Variants in GRIK4 observed in about 807,000 individuals in gnomAD.
The protein encoded by GRIK4 is glutamate receptor ionotropic, kainate 4.
A neutral mutation model predicts 104.9 loss-of-function variants in GRIK4; 40 were observed. The ratio of observed to expected loss-of-function variants is 0.38; its 90% CI spans 0.30 to 0.50. The LOEUF is 0.50. Ranked by LOEUF, GRIK4 falls within the 20% of genes least tolerant of loss-of-function variation. The probability of loss-of-function intolerance (pLI) is 0.93; values close to 1 mark genes in which losing one functional copy is unlikely to be tolerated. For synonymous variants in GRIK4, 485 were observed against 524.9 expected (o/e 0.92, Z 1.04); for missense variants, 1,047 against 1,308.1 (o/e 0.80, Z 3.08).
Position 120,902,723 on chromosome 11 carries a change from G to C in GRIK4, c.1273-2567G>C, listed in dbSNP as rs535081316. 6.6e-6 allele frequency among the ~76,000 whole-genome samples: 1 copy of C among 152,288 alleles called. No homozygotes were observed. Among genetic ancestry groups the C allele is most frequent in the South Asian group, 2.1e-4 (1 of 4,822 alleles). ...GGTGATTGTGTGGGCCCTGGCATGA[G>C]AGCAGGGGAGTTCTGAGACATGGGT... On this transcript the variant is annotated intron_variant, in intron 12 of 20. Transcript: ENST00000527524. The surrounding 1 kb of genome is among the most constrained non-coding windows in gnomAD (Gnocchi z 4.5).
chr11:120,571,446 C>T (rs1948397518), intron 1 of GRIK4, among the ~76,000 whole-genome samples: 1 of 152,158 alleles, frequency 6.6e-6, no homozygotes, highest in East Asian at 1.9e-4. Flanking sequence ...TAGGTTAGTC[C>T]CTCATCTTGC....
At chr11:120,641,518 G>A (rs964832465) in intron 1 of GRIK4, among the ~76,000 whole-genome samples, 2 of 152,178 alleles carry the variant, frequency 1.3e-5, no homozygotes, top group Admixed American at 6.5e-5. Flanking sequence ...AAAGGGGTGG[G>A]CAATTCCCAG....
chr11:120,579,317 T>C (rs1362200669), intron 1 of GRIK4, among the ~76,000 whole-genome samples: 2 of 151,598 alleles, frequency 1.3e-5, no homozygotes, highest in South Asian at 2.1e-4. Flanking sequence ...ACCACACTTA[T>C]ATCAGCCCCT....
intron 1 of GRIK4, among the ~76,000 whole-genome samples, chr11:120,531,128 C>T (rs1417781013): frequency 6.6e-6 from 1 of 152,140 alleles, no homozygotes; most frequent in Non-Finnish European, 1.5e-5. Flanking sequence ...CTCTTGCTTT[C>T]CTTGAGAGAG....
chr11:120,871,962 C>T (rs980987612), intron 9 of GRIK4: 2 of 454,448 alleles, frequency 4.4e-6, no homozygotes, highest in Admixed American at 4.7e-5. Context: ...CCCTCATAGG[C>T]CTCCTGGCCC....
chr11:120,609,375 C>G (rs1438135398), intron 1 of GRIK4, among the ~76,000 whole-genome samples: 2 of 151,896 alleles, frequency 1.3e-5, no homozygotes, highest in African/African-American at 4.8e-5. Context: ...GCCTCAGCCT[C>G]CCAAGTAGCT....
intron 3 of GRIK4, among the ~76,000 whole-genome samples, chr11:120,749,366 G>A (rs1000361806): frequency 2.6e-5 from 4 of 152,160 alleles, no homozygotes; most frequent in Non-Finnish European, 4.4e-5. Context: ...GGCAGGTGTC[G>A]GGAGAGGGGG....
chr11:120,558,142 A>T (rs902913907), intron 1 of GRIK4, among the ~76,000 whole-genome samples: 1 of 151,138 alleles, frequency 6.6e-6, no homozygotes, highest in Non-Finnish European at 1.5e-5. Context: ...CAAGTTACTT[A>T]ACCTCTCTGA....
At chr11:120,701,690 TC>T (rs1424878212) in intron 3 of GRIK4, among the ~76,000 whole-genome samples, 1 of 152,192 alleles carries the variant, frequency 6.6e-6, no homozygotes, top group Non-Finnish European at 1.5e-5. Flanking sequence ...TTTAGGAACC[TC>T]CATATTGTTT....
rs1942763597 is a variant in GRIK4 at position 120,902,508 on chromosome 11, G to A, written c.1273-2782G>A. On this transcript the variant is annotated intron_variant, in intron 12 of 20. Transcript: ENST00000527524. The surrounding 1 kb of genome is among the most constrained non-coding windows in gnomAD (Gnocchi z 4.5). The stretch of plus-strand genomic sequence containing the variant: ...CCTTGGGACAATCAAAGATACAATG[G>A]GACATTACCAGTCCTGAGATGGAAA... Among the ~76,000 whole-genome samples the A allele has an allele frequency of 6.6e-6, 1 of 152,128 alleles. No individual in the cohort carries two copies. Among genetic ancestry groups the A allele is most frequent in the African/African-American group, 2.4e-5 (1 of 41,430 alleles).
In GRIK4 at chr11:120,985,980, G is replaced by T; in HGVS notation, c.2591G>T (p.Arg864Leu). 1 of 1,534,832 alleles carries T rather than the reference G, an allele frequency of 6.5e-7. No individual in the cohort carries two copies. Among genetic ancestry groups the T allele is most frequent in the Non-Finnish European group, 8.8e-7 (1 of 1,141,018 alleles). ...CAGGACAGTATCCACCCCCGCCGGC[G>T]GCGCGCCGCAGTCCCGCCGCCCCGG... ...LCQDSIHPRRRRAAVPPPRPP... is the reference protein window; with the variant it reads ...LCQDSIHPRRLRAAVPPPRPP... Residue 864 changes from arginine to leucine, a missense_variant, in exon 21 of 21, where the codon CGG (arginine) becomes CTG (leucine). Arg to Leu is a moderately radical substitution (Grantham distance 102). Coordinates refer to ENST00000527524, the MANE Select transcript of GRIK4 (RefSeq NM_014619.5).
chr11:120,952,918 C>CTT lies in GRIK4; in HGVS notation c.1655_1656dup (p.Leu553PhefsTer2). The CTT allele has an allele frequency of 6.2e-7, 1 of 1,613,976 alleles. No individual in the cohort carries two copies. Among genetic ancestry groups the CTT allele is most frequent in the South Asian group, 1.1e-5 (1 of 91,076 alleles). ...TTCTCCGGGCGTCTGGCTCTTCATG[C>CTT]TTCTAGCCTATCTGGCCGTCAGCTG... On this transcript the variant is annotated frameshift_variant, in exon 15 of 21. Coordinates refer to ENST00000527524, the MANE Select transcript of GRIK4 (RefSeq NM_014619.5). LOFTEE classifies it high-confidence loss of function. This position sits in a 1 kb window ranked among gnomAD's most constrained non-coding sequence, Gnocchi z 5.2.
intron 1 of GRIK4, among the ~76,000 whole-genome samples, chr11:120,586,218 G>A (rs1316000177): frequency 6.6e-6 from 1 of 152,132 alleles, no homozygotes; most frequent in African/African-American, 2.4e-5. Context: ...ATGTGAGTGG[G>A]TCTTGAAGGA....
intron 3 of GRIK4, among the ~76,000 whole-genome samples, chr11:120,676,322 C>A (rs544595411): frequency 7.0e-4 from 107 of 152,328 alleles, no homozygotes; most frequent in Non-Finnish European, 1.3e-3. Context: ...AGATCTGTAA[C>A]CTTACTCACA....
At chr11:120,862,403 G>A (rs967296434) in intron 9 of GRIK4, 11 of 308,308 alleles carry the variant, frequency 3.6e-5, no homozygotes, top group East Asian at 2.2e-4. Context: ...TACAATTGCC[G>A]AGAGCTGCCT....
chr11:120,769,345 A>G (rs1951896976), intron 3 of GRIK4, among the ~76,000 whole-genome samples: 1 of 152,166 alleles, frequency 6.6e-6, no homozygotes, highest in Non-Finnish European at 1.5e-5. Flanking sequence ...CAAATTGTTC[A>G]TAATAGTCTC....
Position 120,716,218 on chromosome 11 carries a change from G to T in GRIK4, c.82+55818G>T, listed in dbSNP as rs554833770. Among the ~76,000 whole-genome samples, 4 of 119,352 alleles carry T rather than the reference G, an allele frequency of 3.4e-5. No individual in the cohort carries two copies. The South Asian group carries it at 1.1e-3, about 34-fold the overall frequency. The allele number at this position is 119,352 out of a possible 152,430, so 78.3% of individuals were successfully genotyped here. ...AGACCTGGATTTCTGTAGTTATAAA[G>T]CTCATTCACTACCTGACATGATTTT... is the stretch of plus-strand genomic sequence containing the variant. On this transcript the variant is annotated intron_variant, in intron 3 of 20. Transcript: ENST00000527524.
intron 11 of GRIK4, among the ~76,000 whole-genome samples, chr11:120,891,301 A>G (rs554933524): frequency 1.3e-5 from 2 of 152,210 alleles, no homozygotes; most frequent in Non-Finnish European, 2.9e-5. Flanking sequence ...AGTTCATTTC[A>G]TCCCTGCTTA....
chr11:120,677,041 G>T (rs1950108930), intron 3 of GRIK4, among the ~76,000 whole-genome samples: 1 of 152,310 alleles, frequency 6.6e-6, no homozygotes, highest in South Asian at 2.1e-4. Flanking sequence ...TAAGAACCAG[G>T]CATCCCAGAG....
Sources: gnomAD v4.1 joint callset for allele counts (sites outside exome capture counted in the v4.1 genomes callset) on GRCh38, gnomAD v4.1.1 for gene constraint, Gnocchi (gnomAD v3.1) non-coding constraint, MANE v1.5 for transcripts, NCBI Gene and HGNC (gene_info 2026-07-23, HGNC 2026-07-21) for gene names.